The following KLHL29 variants were observed in gnomAD, a reference collection of about 807,000 sequenced individuals.
KLHL29 encodes kelch-like protein 29.
KLHL29 carries 21 observed loss-of-function variants against 80.4 expected under a neutral mutation model. The ratio of observed to expected loss-of-function variants is 0.26; its 90% CI spans 0.19 to 0.38. KLHL29 has a LOEUF of 0.38. KLHL29 is among the 10% of genes least tolerant of loss of function. The probability of loss-of-function intolerance (pLI) is 1.00; values close to 1 mark genes in which losing one functional copy is unlikely to be tolerated. For synonymous variants in KLHL29, 511 were observed against 526.8 expected (o/e 0.97, Z 0.41); for missense variants, 867 against 1,223.9 (o/e 0.71, Z 4.35).
chr2:23,615,529 C>T (rs1572440266), intron 3 of KLHL29, among the ~76,000 whole-genome samples: 1 of 152,170 alleles, frequency 6.6e-6, no homozygotes, highest in African/African-American at 2.4e-5. Flanking sequence ...GAGGACGTCC[C>T]CGGGCTCTGT....
At chr2:23,659,945 C>G (rs188886954) in intron 5 of KLHL29, among the ~76,000 whole-genome samples, 23 of 152,178 alleles carry the variant, frequency 1.5e-4, no homozygotes, top group Non-Finnish European at 3.1e-4. Flanking sequence ...TTCAGGGGTC[C>G]TCCTTTCTCA....
At chr2:23,570,379 T>C (rs1667689947) in intron 3 of KLHL29, among the ~76,000 whole-genome samples, 1 of 152,252 alleles carries the variant, frequency 6.6e-6, no homozygotes, top group African/African-American at 2.4e-5. Flanking sequence ...GCCAGTTGTC[T>C]GCACTTCTGT....
chr2:23,424,163 T>C (rs1662938969), intron 1 of KLHL29, among the ~76,000 whole-genome samples: 1 of 152,236 alleles, frequency 6.6e-6, no homozygotes. Context: ...GCTTGGGGCT[T>C]ACTGCTATCA....
At chr2:23,467,989 C>T (rs1664397878) in intron 1 of KLHL29, among the ~76,000 whole-genome samples, 2 of 151,918 alleles carry the variant, frequency 1.3e-5, no homozygotes, top group African/African-American at 4.8e-5. Context: ...ATCCCCATGG[C>T]ACTATAGGTA....
intron 2 of KLHL29, among the ~76,000 whole-genome samples, chr2:23,533,833 G>A (rs1163600305): frequency 6.6e-6 from 1 of 152,134 alleles, no homozygotes. Context: ...TGTGAACCCG[G>A]TTTGGGCTAT....
rs1178808276 is a variant in KLHL29 at position 23,597,303 on chromosome 2, A to ATGTG, written c.285+34823_285+34824insGTGT. On this transcript the variant is annotated intron_variant, in intron 3 of 13. Coordinates refer to ENST00000486442, the MANE Select transcript of KLHL29 (RefSeq NM_052920.2). ...ATCTATCTCTCTCTCTCTCATATAT[A>ATGTG]TATATATGTGTGTGTGTGTGTGTGT... Among the ~76,000 whole-genome samples, 14 of 82,224 alleles carry ATGTG rather than the reference A, an allele frequency of 1.7e-4. No individual in the cohort carries two copies. The South Asian group carries it at 4.5e-3, about 26-fold the overall frequency. The allele number at this position is 82,224 out of a possible 152,430, so 53.9% of individuals were successfully genotyped here. A position where few individuals can be genotyped will look rare whatever the true frequency, so the allele number is the denominator to read the frequency against.
chr2:23,587,531 A>G (rs1478915508), intron 3 of KLHL29, among the ~76,000 whole-genome samples: 3 of 152,142 alleles, frequency 2.0e-5, no homozygotes, highest in Non-Finnish European at 4.4e-5. Context: ...CAGGAGCTGG[A>G]AAGATCAAAG....
chr2:23,597,515 C>T (rs1019221981), intron 3 of KLHL29, among the ~76,000 whole-genome samples: 1 of 141,954 alleles, frequency 7.0e-6, no homozygotes. Flanking sequence ...CCTCTGCCTC[C>T]CAGGTTCAAG....
chr2:23,652,164 A>G (rs1670105158), intron 5 of KLHL29, among the ~76,000 whole-genome samples: 2 of 152,214 alleles, frequency 1.3e-5, no homozygotes, highest in East Asian at 1.9e-4. Flanking sequence ...ATTTTCATAA[A>G]TGCACTTTTG....
intron 2 of KLHL29, among the ~76,000 whole-genome samples, chr2:23,491,570 G>A (rs1454482952): frequency 6.9e-6 from 1 of 145,504 alleles, no homozygotes; most frequent in East Asian, 2.1e-4. Flanking sequence ...GCTCTGCTCT[G>A]CTCCTGCTCC....
chr2:23,454,208 G>C (rs1572330783), intron 1 of KLHL29, among the ~76,000 whole-genome samples: 1 of 152,124 alleles, frequency 6.6e-6, no homozygotes, highest in South Asian at 2.1e-4. Flanking sequence ...TGCCCGAGGA[G>C]AAAGCTGGGC....
chr2:23,497,013 T>C lies in KLHL29; in HGVS notation c.-46+21346T>C, dbSNP rs1011369682. 2.6e-5 allele frequency among the ~76,000 whole-genome samples: 4 copies of C among 151,984 alleles called. No individual in the cohort carries two copies. In the East Asian group the frequency reaches 7.7e-4, roughly 29 times the overall value. Reference sequence around the variant, plus strand: ...AATTGAGAAACATAAGTCACAGTTATATTTGTTCTGCAACCATATAAGAAT... The same window carrying C: ...AATTGAGAAACATAAGTCACAGTTACATTTGTTCTGCAACCATATAAGAAT... On this transcript the variant is annotated intron_variant, in intron 2 of 13. Coordinates refer to ENST00000486442, the MANE Select transcript of KLHL29 (RefSeq NM_052920.2).
chr2:23,664,474 T>C (rs971393800), intron 5 of KLHL29, among the ~76,000 whole-genome samples: 2 of 152,238 alleles, frequency 1.3e-5, no homozygotes, highest in African/African-American at 4.8e-5. Context: ...CTCTGGATTC[T>C]GGGCTTTGGA....
In KLHL29 at chr2:23,562,525, C is replaced by A; in HGVS notation, c.285+44C>A. The A allele has an allele frequency of 6.6e-7, 1 of 1,523,320 alleles. No homozygotes were observed. The highest frequency in any genetic ancestry group is 8.8e-7 in the Non-Finnish European group (1 of 1,139,412). The allele number at this position is 1,523,320 out of a possible 1,614,324, so 94.4% of individuals were successfully genotyped here. A position where few individuals can be genotyped will look rare whatever the true frequency, so the allele number is the denominator to read the frequency against. On this transcript the variant is annotated intron_variant, in intron 3 of 13. Transcript: ENST00000486442. The surrounding 1 kb of genome is among the most constrained non-coding windows in gnomAD (Gnocchi z 4.5). ...TCTGAGCAGGAGCCGGACAGAGGGG[C>A]CCTGCCTCCCTGCAGGCTCAGGCCA...
At chr2:23,394,065 C>T (rs1409861594) in intron 1 of KLHL29, among the ~76,000 whole-genome samples, 4 of 152,214 alleles carry the variant, frequency 2.6e-5, no homozygotes, top group East Asian at 1.9e-4. Flanking sequence ...GCAAAGCATA[C>T]GCCAAAGGCT....
At chr2:23,496,579 G>A (rs941896131) in intron 2 of KLHL29, among the ~76,000 whole-genome samples, 15 of 152,178 alleles carry the variant, frequency 9.9e-5, no homozygotes, top group African/African-American at 3.4e-4. Context: ...AACCTTCAGC[G>A]GGGCCAGCGG....
chr2:23,633,756 C>CGTGTGTGTGTGTGTGTGT (rs1181808728), intron 3 of KLHL29, among the ~76,000 whole-genome samples: 3 of 147,128 alleles, frequency 2.0e-5, no homozygotes, highest in African/African-American at 7.7e-5. Flanking sequence ...TCACAGCACT[C>CGTGTGTGTGTGTGTGTGT]GTGTGTGTGT....
chr2:23,512,494 A>G (rs1665803414), intron 2 of KLHL29, among the ~76,000 whole-genome samples: 2 of 152,204 alleles, frequency 1.3e-5, no homozygotes, highest in African/African-American at 2.4e-5. Flanking sequence ...ACATTGTGAT[A>G]TGGCAAGGAT....
chr2:23,394,923 C>A (rs762613881), intron 1 of KLHL29, among the ~76,000 whole-genome samples: 39 of 152,154 alleles, frequency 2.6e-4, no homozygotes, highest in Non-Finnish European at 4.6e-4. Context: ...AGATTAAATA[C>A]TTGAGGATTA....
Sources: allele counts gnomAD v4.1 joint callset (sites outside exome capture counted in the v4.1 genomes callset), GRCh38; gene constraint gnomAD v4.1.1; non-coding constraint Gnocchi (gnomAD v3.1); transcripts MANE v1.5; gene names NCBI Gene and HGNC (gene_info 2026-07-23, HGNC 2026-07-21).